The following KIF16B variants were observed in gnomAD, a reference collection of about 807,000 sequenced individuals.
The protein encoded by KIF16B is kinesin-like protein KIF16B.
In KIF16B, 98 loss-of-function variants were observed where a neutral mutation model predicts 156.3. The observed-to-expected ratio is 0.63, with a 90% CI of 0.53 to 0.74. The LOEUF (loss-of-function observed/expected upper bound fraction) is 0.74, where lower values mean the gene tolerates loss of function less well. KIF16B is among the 30% of genes least tolerant of loss of function. The probability of loss-of-function intolerance (pLI) is 0.00; values close to 1 mark genes in which losing one functional copy is unlikely to be tolerated. For synonymous variants in KIF16B, 564 were observed against 583.7 expected (o/e 0.97, Z 0.49); for missense variants, 1,421 against 1,606.5 (o/e 0.88, Z 1.97).
At chr20:16,296,568 A>G (rs1407006242) in intron 25 of KIF16B, among the ~76,000 whole-genome samples, 1 of 152,170 alleles carries the variant, frequency 6.6e-6, no homozygotes, top group Non-Finnish European at 1.5e-5. Flanking sequence ...CCTGTTATGT[A>G]TTTGCCAAGC....
chr20:16,470,495 T>C (rs2067630834), intron 12 of KIF16B, among the ~76,000 whole-genome samples: 1 of 152,120 alleles, frequency 6.6e-6, no homozygotes, highest in Non-Finnish European at 1.5e-5. Flanking sequence ...TTGTTTTGTT[T>C]TGTTTTGAGA....
intron 15 of KIF16B, among the ~76,000 whole-genome samples, chr20:16,411,150 C>A (rs931045812): frequency 6.6e-6 from 1 of 152,038 alleles, no homozygotes; most frequent in Non-Finnish European, 1.5e-5. Context: ...TGAATATTCA[C>A]AGTTTCCTTC....
At chr20:16,276,844 C>A (rs1367754430) in intron 25 of KIF16B, among the ~76,000 whole-genome samples, 1 of 152,212 alleles carries the variant, frequency 6.6e-6, no homozygotes, top group Admixed American at 6.5e-5. Context: ...TGAGAGGAAA[C>A]CTTGCTGATT....
intron 22 of KIF16B, chr20:16,367,362 C>T (rs754320848): frequency 6.2e-7 from 1 of 1,612,882 alleles, no homozygotes; most frequent in South Asian, 1.1e-5. Flanking sequence ...CTACTGTTGA[C>T]ACATTTTTCT....
intron 24 of KIF16B, among the ~76,000 whole-genome samples, chr20:16,333,506 T>G (rs973425427): frequency 3.3e-5 from 5 of 152,254 alleles, no homozygotes; most frequent in Non-Finnish European, 5.9e-5. Context: ...AGTGAATTAA[T>G]GAATGACACC....
At chr20:16,371,200 A>G (rs557192433) in intron 21 of KIF16B, among the ~76,000 whole-genome samples, 2 of 152,296 alleles carry the variant, frequency 1.3e-5, no homozygotes, top group South Asian at 4.1e-4. Context: ...AATATTTAAT[A>G]TTTTTTTCTA....
chr20:16,397,165 G>A (rs974233723), intron 17 of KIF16B, among the ~76,000 whole-genome samples: 1 of 152,184 alleles, frequency 6.6e-6, no homozygotes, highest in African/African-American at 2.4e-5. Context: ...CAGTCGGCTT[G>A]GTTTCTTCTT....
intron 4 of KIF16B, among the ~76,000 whole-genome samples, chr20:16,514,885 CAAAA>C (rs10564862): frequency 1.6e-4 from 10 of 60,750 alleles, no homozygotes; most frequent in Admixed American, 4.3e-4. Flanking sequence ...GATTCCATCT[CAAAA>C]AAAAAAAAAA....
intron 24 of KIF16B, among the ~76,000 whole-genome samples, chr20:16,332,774 T>A (rs1221075064): frequency 5.9e-5 from 9 of 152,284 alleles, no homozygotes; most frequent in Admixed American, 5.9e-4. Flanking sequence ...AAATTTTTCT[T>A]AATTATTCCT....
At position 16,356,343 on chromosome 20, in the gene KIF16B, T is replaced by A. The variant is rs1474815535; in HGVS notation, c.3608A>T (p.Glu1203Val). ...LCGQGKDAHF[E>V]FEVKITVLDE... ...GAAGACACTCACCTTGACCTCAAAC[T>A]CGAAGTGTGCATCCTTTCCTTGCCC... The change falls in exon 23 of 26, where the codon GAG (glutamate) becomes GTG (valine). Residue 1203 changes from glutamate (E) to valine (V), a missense_variant. Transcript: ENST00000354981. The A allele has an allele frequency of 6.2e-7, 1 of 1,614,146 alleles. No homozygotes were observed. The highest frequency in any genetic ancestry group is 1.3e-5 in the African/African-American group (1 of 75,064).
chr20:16,557,507 C>T (rs750730179), intron 1 of KIF16B, among the ~76,000 whole-genome samples: 2 of 152,012 alleles, frequency 1.3e-5, no homozygotes, highest in Non-Finnish European at 2.9e-5. Flanking sequence ...GTATAATCTA[C>T]CCCATATAGT....
rs190936917 is a variant in KIF16B, at chr20:16,423,183, C to T, written c.1612+3921G>A. ...GAGGAAGAAAAAAGTTGGAGCTACACTTTATAAACCAATGAACCCAGGTGT... is the reference window on the plus strand; with the variant it reads ...GAGGAAGAAAAAAGTTGGAGCTACATTTTATAAACCAATGAACCCAGGTGT... On this transcript the variant is annotated intron_variant, in intron 15 of 25. Transcript: ENST00000354981. 1.1e-3 allele frequency among the ~76,000 whole-genome samples: 162 copies of T among 152,032 alleles called. 1 individual carries two copies. Among genetic ancestry groups the T allele is most frequent in the Middle Eastern group, 3.4e-3 (1 of 294 alleles).
intron 1 of KIF16B, among the ~76,000 whole-genome samples, chr20:16,541,351 G>T (rs1473651460): frequency 6.6e-6 from 1 of 152,214 alleles, no homozygotes; most frequent in Non-Finnish European, 1.5e-5. Context: ...TCAGCTAGAG[G>T]TCAGTGGCAC....
intron 15 of KIF16B, among the ~76,000 whole-genome samples, chr20:16,407,433 G>C (rs2065814213): frequency 6.6e-6 from 1 of 152,152 alleles, no homozygotes; most frequent in Admixed American, 6.5e-5. Context: ...TGACAGGTGA[G>C]TGCTTAAGTG....
chr20:16,487,313 T>C (rs893499373), intron 12 of KIF16B, among the ~76,000 whole-genome samples: 25 of 151,802 alleles, frequency 1.6e-4, no homozygotes, highest in Non-Finnish European at 3.1e-4. Context: ...GTCTCTCCCA[T>C]GCTTTGTCTG....
At chr20:16,295,723 T>C (rs764827225) in intron 25 of KIF16B, among the ~76,000 whole-genome samples, 2 of 152,154 alleles carry the variant, frequency 1.3e-5, no homozygotes, top group African/African-American at 2.4e-5. Flanking sequence ...ACCTTACTCA[T>C]GGGCCATCCA....
In KIF16B at chr20:16,379,815, T is replaced by C. The variant is rs1484083296; in HGVS notation, c.2187A>G (p.Glu729=). Reference sequence around the variant, plus strand: ...CTTTTTCCTTTTGGAGCTGGTCCAGTTCTTGAAATATCTGAAACTTCTCAG... The same window carrying C: ...CTTTTTCCTTTTGGAGCTGGTCCAGCTCTTGAAATATCTGAAACTTCTCAG... ...EKAEKFQIFQ[E]LDQLQKEKDE... The change falls in exon 19 of 26, where the codon GAA becomes GAG. Residue 729 remains glutamate (E), a synonymous_variant. Transcript: ENST00000354981. 3 of 1,614,104 alleles carry C rather than the reference T, an allele frequency of 1.9e-6. No individual in the cohort carries two copies. The highest frequency in any genetic ancestry group is 1.3e-5 in the African/African-American group (1 of 74,928).
intron 1 of KIF16B, among the ~76,000 whole-genome samples, chr20:16,541,151 A>G (rs2070180533): frequency 6.6e-6 from 1 of 152,218 alleles, no homozygotes; most frequent in Non-Finnish European, 1.5e-5. Context: ...CCTATTAGAA[A>G]AAGAAATCTG....
intron 22 of KIF16B, among the ~76,000 whole-genome samples, chr20:16,359,724 T>C (rs2064515621): frequency 6.6e-6 from 1 of 151,120 alleles, no homozygotes; most frequent in Admixed American, 6.6e-5. Flanking sequence ...AAGGACCAGG[T>C]ATTTGAGAAT....
Sources: gnomAD v4.1 joint callset for allele counts (sites outside exome capture counted in the v4.1 genomes callset) on GRCh38, gnomAD v4.1.1 for gene constraint, MANE v1.5 for transcripts, NCBI Gene and HGNC (gene_info 2026-07-23, HGNC 2026-07-21) for gene names.